Variants in KCNIP4 observed in about 807,000 individuals in gnomAD.
KCNIP4 encodes Kv channel-interacting protein 4.
A neutral mutation model predicts 34.0 loss-of-function variants in KCNIP4; 12 were observed. That is an observed-to-expected ratio of 0.35 (90% CI 0.23 to 0.57). The LOEUF is 0.57. Ranked by LOEUF, KCNIP4 falls within the 20% of genes least tolerant of loss-of-function variation. The pLI, the probability that KCNIP4 is intolerant of heterozygous loss-of-function variation, is 0.83. For missense variants in KCNIP4, 238 were observed against 311.7 expected (o/e 0.76, Z 1.78); for synonymous variants, 124 against 102.2 (o/e 1.21, Z -1.29).
intron 1 of KCNIP4, among the ~76,000 whole-genome samples, chr4:20,911,415 A>G (rs934010800): frequency 2.0e-5 from 3 of 152,196 alleles, no homozygotes; most frequent in Non-Finnish European, 4.4e-5. Context: ...ACCCTAATAA[A>G]GTGTGAGTAG....
At chr4:21,006,711 GC>G (rs1257207681) in intron 1 of KCNIP4, among the ~76,000 whole-genome samples, 2 of 152,164 alleles carry the variant, frequency 1.3e-5, no homozygotes, top group Non-Finnish European at 2.9e-5. Context: ...ATAGGATTTT[GC>G]CCAGGACATG....
In KCNIP4 at chr4:21,805,927, T is replaced by C. The variant is rs534900200; in HGVS notation, c.61+142644A>G. On this transcript the variant is annotated intron_variant, in intron 1 of 8. Transcript: ENST00000382152. ...AACTCATAGTAGTGGTGTTAAGAAT[T>C]AGGCATGATGAAATGAATGTGTCAA... Among the ~76,000 whole-genome samples, 68 of 152,288 alleles carry C rather than the reference T, an allele frequency of 4.5e-4. 1 individual carries two copies. The South Asian group carries it at 0.013, about 29-fold the overall frequency.
At chr4:21,833,372 G>A (rs1723114766) in intron 1 of KCNIP4, among the ~76,000 whole-genome samples, 1 of 152,068 alleles carries the variant, frequency 6.6e-6, no homozygotes, top group Non-Finnish European at 1.5e-5. Context: ...TGTGTTTTTT[G>A]GCTGCATAAA....
At chr4:21,464,167 T>C (rs1202966910) in intron 1 of KCNIP4, among the ~76,000 whole-genome samples, 1 of 151,970 alleles carries the variant, frequency 6.6e-6, no homozygotes, top group Non-Finnish European at 1.5e-5. Context: ...CCAATTAGAA[T>C]TGATTGATTT....
At chr4:21,525,550 T>C (rs113431426) in intron 1 of KCNIP4, among the ~76,000 whole-genome samples, 4 of 152,166 alleles carry the variant, frequency 2.6e-5, no homozygotes, top group African/African-American at 9.7e-5. Context: ...CCTAAATAAT[T>C]TACTCATTGG....
At chr4:21,402,290 A>G (rs555223042) in intron 1 of KCNIP4, among the ~76,000 whole-genome samples, 1 of 152,308 alleles carries the variant, frequency 6.6e-6, no homozygotes, top group South Asian at 2.1e-4. Context: ...CATGGTTGCA[A>G]ATTCAGATTT....
intron 1 of KCNIP4, among the ~76,000 whole-genome samples, chr4:21,040,749 A>G (rs1236053535): frequency 6.6e-6 from 1 of 152,108 alleles, no homozygotes; most frequent in Non-Finnish European, 1.5e-5. Flanking sequence ...GGACTCATGA[A>G]TGGGATCCCA....
intron 1 of KCNIP4, among the ~76,000 whole-genome samples, chr4:20,991,780 C>G (rs1053810601): frequency 3.3e-4 from 50 of 152,194 alleles, no homozygotes; most frequent in African/African-American, 1.1e-3. Context: ...ATGGCATCTC[C>G]ATGGATGTTG....
chr4:20,739,600 T>A (rs529864192), intron 5 of KCNIP4, among the ~76,000 whole-genome samples: 2 of 152,180 alleles, frequency 1.3e-5, no homozygotes, highest in South Asian at 4.1e-4. Flanking sequence ...GTCACCATCA[T>A]CAAAGACCAA....
intron 1 of KCNIP4, among the ~76,000 whole-genome samples, chr4:21,561,101 G>T (rs553764542): frequency 3.9e-5 from 6 of 152,100 alleles, no homozygotes; most frequent in Admixed American, 3.9e-4. Context: ...GGAGTGTTCT[G>T]CTTTGCCACA....
intron 1 of KCNIP4, among the ~76,000 whole-genome samples, chr4:21,504,187 G>T (rs552270696): frequency 5.4e-4 from 82 of 152,184 alleles, no homozygotes; most frequent in South Asian, 1.0e-3. Flanking sequence ...GTAGAAATGG[G>T]CTAGGTGCAG....
intron 1 of KCNIP4, among the ~76,000 whole-genome samples, chr4:21,134,939 A>G (rs1751387389): frequency 6.6e-6 from 1 of 152,240 alleles, no homozygotes; most frequent in South Asian, 2.1e-4. Context: ...CACCTGGCCC[A>G]TGCTGATGGC....
At chr4:20,976,551 G>C (rs867021228) in intron 1 of KCNIP4, among the ~76,000 whole-genome samples, 7 of 152,154 alleles carry the variant, frequency 4.6e-5, no homozygotes, top group Admixed American at 2.6e-4. Flanking sequence ...TTCACAGTTA[G>C]TGAATTAGGA....
intron 1 of KCNIP4, among the ~76,000 whole-genome samples, chr4:20,967,190 T>C (rs1734438881): frequency 1.3e-5 from 2 of 152,190 alleles, no homozygotes; most frequent in African/African-American, 4.8e-5. Flanking sequence ...TGCATGATTA[T>C]TGGTCTTAAA....
intron 1 of KCNIP4, among the ~76,000 whole-genome samples, chr4:21,158,053 G>A (rs535439171): frequency 3.6e-4 from 55 of 151,862 alleles, no homozygotes; most frequent in African/African-American, 1.2e-3. Flanking sequence ...AAAAAAACAC[G>A]CATGTGAAAT....
chr4:20,910,900 G>A (rs1325746526), intron 1 of KCNIP4, among the ~76,000 whole-genome samples: 3 of 152,012 alleles, frequency 2.0e-5, no homozygotes, highest in Admixed American at 1.3e-4. Flanking sequence ...GGTTATTAAC[G>A]GAAGCTTTTC....
chr4:20,905,099 G>A (rs774120676), intron 1 of KCNIP4, among the ~76,000 whole-genome samples: 17 of 152,260 alleles, frequency 1.1e-4, no homozygotes, highest in Middle Eastern at 3.4e-3. Flanking sequence ...CGTTGCTAGG[G>A]CTGCTCTAAT....
At chr4:21,615,368 G>C (rs941774988) in intron 1 of KCNIP4, among the ~76,000 whole-genome samples, 1 of 145,902 alleles carries the variant, frequency 6.9e-6, no homozygotes, top group African/African-American at 2.5e-5. Context: ...GTGAAACCCC[G>C]TCTCTACTAA....
chr4:21,828,451 A>C (rs35259948), intron 1 of KCNIP4, among the ~76,000 whole-genome samples: 55,029 of 151,840 alleles, frequency 0.36, 11,410 homozygotes, highest in East Asian at 0.65. Context: ...TCGAAGATAT[A>C]ATAACAAGAC....
Sources: allele counts gnomAD v4.1 joint callset (sites outside exome capture counted in the v4.1 genomes callset), GRCh38; gene constraint gnomAD v4.1.1; transcripts MANE v1.5; gene names NCBI Gene and HGNC (gene_info 2026-07-23, HGNC 2026-07-21).